Variants in CDC42BPG observed in about 807,000 individuals in gnomAD.
CDC42BPG encodes serine/threonine-protein kinase MRCK gamma.
A neutral mutation model predicts 192.2 loss-of-function variants in CDC42BPG; 157 were observed. The ratio of observed to expected loss-of-function variants is 0.82; its 90% CI spans 0.72 to 0.93. The LOEUF is 0.93. Among genes scored for constraint, CDC42BPG ranks in the 40% least tolerant of loss-of-function variants. The pLI is 0.00. For synonymous variants in CDC42BPG, 981 were observed against 918.5 expected (o/e 1.07, Z -1.23); for missense variants, 1,992 against 2,122.1 (o/e 0.94, Z 1.20).
At chr11:64,832,541 C>T (rs747329788) in intron 26 of CDC42BPG, 32 bp from the exon 27 acceptor site, 24 of 1,613,780 alleles carry the variant, frequency 1.5e-5, no homozygotes, top group Non-Finnish European at 1.9e-5. Flanking sequence ...TCAGAAATCT[C>T]CCTGTCCCTG....
At position 64,833,331 on chromosome 11, in the gene CDC42BPG, G is replaced by C; in HGVS notation, c.2631C>G (p.Gly877=). 6 of 1,508,880 alleles carry C rather than the reference G, an allele frequency of 4.0e-6. No homozygotes were observed. The highest frequency in any genetic ancestry group is 5.4e-6 in the Non-Finnish European group (6 of 1,121,224). The allele number at this position is 1,508,880 out of a possible 1,614,324, so 93.5% of individuals were successfully genotyped here. A position where few individuals can be genotyped will look rare whatever the true frequency, so the allele number is the denominator to read the frequency against. The change falls in exon 24 of 37, where the codon GGC becomes GGG. Residue 877 remains glycine, a synonymous_variant. Coordinates refer to ENST00000342711, the MANE Select transcript of CDC42BPG (RefSeq NM_017525.3). ...ASTEGLPAKP[G]SHTLRPRSFP... ...AGCTCCGGGGGCGCAGCGTGTGTGA[G>C]CCGGGCTGGGGAGGGGGACAGCCAT... is the stretch of plus-strand genomic sequence containing the variant.
chr11:64,830,030 C>A lies in CDC42BPG; in HGVS notation c.3408G>T (p.Leu1136=), dbSNP rs1374157215. 1 of 1,612,522 alleles carries A rather than the reference C, an allele frequency of 6.2e-7. No individual in the cohort carries two copies. Among genetic ancestry groups the A allele is most frequent in the Admixed American group, 1.7e-5 (1 of 59,990 alleles). ...QVGECRRVQQ[L]TLSPSAGLLV... is the part of the protein sequence containing the mutation. ...GCAGGCCTGCACTGGGGCTCAAGGT[C>A]AGCTGCTGCACGCGCCGGCACTCCC... Residue 1136 remains leucine (L), a synonymous_variant, in exon 30 of 37, where the codon CTG becomes CTT. Coordinates refer to ENST00000342711, the MANE Select transcript of CDC42BPG (RefSeq NM_017525.3).
chr11:64,834,612 C>T, intron 18 of CDC42BPG, 35 bp from the exon 19 acceptor site: 2 of 1,507,440 alleles, frequency 1.3e-6, no homozygotes, highest in Non-Finnish European at 8.9e-7. Flanking sequence ...AAGATGCTTT[C>T]TAGGCCTGGC....
rs372130021 is a variant in CDC42BPG, at chr11:64,830,973, T to C, written c.3304+532A>G. Among the ~76,000 whole-genome samples, 71 of 152,298 alleles carry C rather than the reference T, an allele frequency of 4.7e-4. No individual in the cohort carries two copies. In the East Asian group the frequency reaches 7.5e-3, roughly 16 times the overall value. On this transcript the variant is annotated intron_variant, in intron 28 of 36. Coordinates refer to ENST00000342711, the MANE Select transcript of CDC42BPG (RefSeq NM_017525.3). ...TGGCCCATGCCTATAATTCCAGCACTTTGGGAGGCCAAGGTGGGTGGATCA... is the reference window on the plus strand; with the variant it reads ...TGGCCCATGCCTATAATTCCAGCACCTTGGGAGGCCAAGGTGGGTGGATCA...
At chr11:64,824,990 C>T (rs1481864197) in intron 36 of CDC42BPG, among the ~76,000 whole-genome samples, 1 of 151,948 alleles carries the variant, frequency 6.6e-6, no homozygotes, top group African/African-American at 2.4e-5. Context: ...GATCTTGGCT[C>T]ACTGCAACCT....
Position 64,827,761 on chromosome 11 carries a change from T to C in CDC42BPG, c.3990A>G (p.Thr1330=), listed in dbSNP as rs1224036423. The change falls in exon 31 of 37, where the codon ACA becomes ACG. Residue 1330 remains threonine, a synonymous_variant. Coordinates refer to ENST00000342711, the MANE Select transcript of CDC42BPG (RefSeq NM_017525.3). ...MGWGYAAPYL[T]VFSENSIDVF... is the part of the protein sequence containing the mutation. ...CATCGATGGAGTTCTCGCTGAACAC[T>C]GTCAGGTAGGGGGCCGCATACCCTG... 1.2e-6 allele frequency: 2 copies of C among 1,612,366 alleles called. No homozygotes were observed. Among genetic ancestry groups the C allele is most frequent in the South Asian group, 1.1e-5 (1 of 90,842 alleles).
intron 20 of CDC42BPG, 78 bp from the exon 21 acceptor site, chr11:64,834,055 C>A: frequency 6.3e-7 from 1 of 1,586,786 alleles, no homozygotes; most frequent in South Asian, 1.1e-5. Context: ...TCAGTTCCCA[C>A]CTCAGTAAAA....
In CDC42BPG at chr11:64,827,138, G is replaced by A. The variant is rs750688271; in HGVS notation, c.4301C>T (p.Ser1434Phe). ...GTTGGTAGGCGGCGAGATGAGCTTGGAGCGCACAAAAGGGTCCTTCAGCAT... is the reference window on the plus strand; with the variant it reads ...GTTGGTAGGCGGCGAGATGAGCTTGAAGCGCACAAAAGGGTCCTTCAGCAT... Reference protein sequence around the residue: ...REMLKDPFVRSKLISPPTNFN... With the variant: ...REMLKDPFVRFKLISPPTNFN... Residue 1434 changes from serine to phenylalanine, a missense_variant, in exon 34 of 37, where the codon TCC becomes TTC. Ser to Phe is a radical substitution (Grantham distance 155, BLOSUM62 -2). Transcript: ENST00000342711. The A allele has an allele frequency of 3.1e-5, 50 of 1,614,130 alleles. No homozygotes were observed. The South Asian group carries it at 5.5e-4, about 18-fold the overall frequency.
chr11:64,836,719 G>GGTT lies in CDC42BPG; in HGVS notation c.1384+19_1384+20insAAC. 1 of 842,262 alleles carries GGTT rather than the reference G, an allele frequency of 1.2e-6. No individual in the cohort carries two copies. Among genetic ancestry groups the GGTT allele is most frequent in the Non-Finnish European group, 1.7e-6 (1 of 582,314 alleles). 52.2% of individuals were successfully genotyped at this position (842,262 alleles called of 1,614,324 possible). On this transcript the variant is annotated intron_variant, in intron 11 of 36. Transcript: ENST00000342711. ...GGGACTCAGCCCTGGGGGGGGGGGG[G>GGTT]GGGTGGGCGGAAGGGATACCTGGCA...
chr11:64,827,217 G>C (rs758965649), intron 33 of CDC42BPG, 50 bp from the exon 34 acceptor site: 31 of 1,613,464 alleles, frequency 1.9e-5, no homozygotes, highest in East Asian at 2.2e-5. Context: ...CCCTCCCTTC[G>C]ACCCGTCCAC....
intron 11 of CDC42BPG, 28 bp downstream of exon 11, chr11:64,836,711 G>GGGGGGT: frequency 1.6e-6 from 1 of 608,686 alleles, no homozygotes; most frequent in South Asian, 2.3e-5. Flanking sequence ...AGCCCTGGGG[G>GGGGGGT]GGGGGGGGGG....
At position 64,836,480 on chromosome 11, in the gene CDC42BPG, C is replaced by T. The variant is rs1159662028; in HGVS notation, c.1435G>A (p.Gly479Ser). 2 of 1,613,512 alleles carry T rather than the reference C, an allele frequency of 1.2e-6. No homozygotes were observed. The highest frequency in any genetic ancestry group is 4.5e-5 in the East Asian group (2 of 44,894). ...AGGTCACTGTCCTGACCTGGGCTAC[C>T]AGCTGGGGGCCCATCCGTCTGGGAC... is the stretch of plus-strand genomic sequence containing the variant. The part of the protein sequence containing the change: ...SLSQTDGPPA[G>S]SPGQDSDLRQ... The change falls in exon 12 of 37, where the codon GGT becomes AGT. Residue 479 changes from glycine to serine, a missense_variant. Coordinates refer to ENST00000342711, the MANE Select transcript of CDC42BPG (RefSeq NM_017525.3).
Position 64,832,895 on chromosome 11 carries a change from G to A in CDC42BPG, c.2796C>T (p.Asp932=). The A allele has an allele frequency of 6.4e-7, 1 of 1,553,696 alleles. No homozygotes were observed. The highest frequency in any genetic ancestry group is 8.7e-7 in the Non-Finnish European group (1 of 1,148,450). The change falls in exon 25 of 37, where the codon GAC becomes GAT. Residue 932 remains aspartate (D), a synonymous_variant. Transcript: ENST00000342711. ...PQAPPCPVPP[D]LLRTALGVHP... Reference sequence around the variant, plus strand: ...GTACTCCCAGGGCTGTGCGGAGGAGGTCAGGGGGCACGGGGCAGGGTGGGG... The same window carrying A: ...GTACTCCCAGGGCTGTGCGGAGGAGATCAGGGGGCACGGGGCAGGGTGGGG...
At chr11:64,832,785 G>GC (rs755832482) in intron 25 of CDC42BPG, 41 bp downstream of exon 25, 32 of 1,591,594 alleles carry the variant, frequency 2.0e-5, no homozygotes, top group Non-Finnish European at 2.5e-5. Context: ...GGGACCCTCA[G>GC]CCCCCCATGC....
Position 64,839,126 on chromosome 11 carries a change from C to A in CDC42BPG, c.783G>T (p.Ser261=). The A allele has an allele frequency of 1.2e-6, 2 of 1,613,554 alleles. No homozygotes were observed. Among genetic ancestry groups the A allele is most frequent in the South Asian group, 1.1e-5 (1 of 91,088 alleles). Reference sequence around the variant, plus strand: ...GCAGCTCATAGGCGCAGACTCCAAGCGACCACCAGTCACACTGTGGGCCGT... The same window carrying A: ...GCAGCTCATAGGCGCAGACTCCAAGAGACCACCAGTCACACTGTGGGCCGT... ...GHYGPQCDWW[S]LGVCAYELLF... is the part of the protein sequence containing the mutation. Residue 261 remains serine, a synonymous_variant, in exon 7 of 37, where the codon TCG becomes TCT. Transcript: ENST00000342711.
At chr11:64,837,938 G>C (rs1469721408) in intron 9 of CDC42BPG, 145 bp downstream of exon 9, 2 of 709,738 alleles carry the variant, frequency 2.8e-6, no homozygotes, top group African/African-American at 3.5e-5. Flanking sequence ...AGGACCCCGA[G>C]GATGAGGGCT....
Position 64,827,578 on chromosome 11 carries a change from G to A in CDC42BPG, c.4099C>T (p.Leu1367Phe), listed in dbSNP as rs1375302025. ...RPLNPEGSLFLYGTEKVRLTY... is the reference protein window; with the variant it reads ...RPLNPEGSLFFYGTEKVRLTY... ...AGGCGGACCTTCTCGGTGCCGTAGA[G>A]GAACAGGGAGCCCTCTGGATTGAGG... The change falls in exon 32 of 37, where the codon CTC becomes TTC. Residue 1367 changes from leucine (L) to phenylalanine (F), a missense_variant. Transcript: ENST00000342711. 5.0e-6 allele frequency: 8 copies of A among 1,612,408 alleles called. No individual in the cohort carries two copies. Among genetic ancestry groups the A allele is most frequent in the Non-Finnish European group, 5.9e-6 (7 of 1,179,152 alleles).
Position 64,831,722 on chromosome 11 carries a change from C to T in CDC42BPG, c.3088-1G>A. The stretch of plus-strand genomic sequence containing the variant: ...GCACTGCCAGCTGGGAGGTTGTCAC[C>T]TGTGGGCAAGGACCCCAGCTGGAGG... On this transcript the variant is annotated splice_acceptor_variant, in intron 27 of 36. Coordinates refer to ENST00000342711, the MANE Select transcript of CDC42BPG (RefSeq NM_017525.3). LOFTEE classifies it high-confidence loss of function. 6.3e-7 allele frequency: 1 copy of T among 1,589,444 alleles called. No homozygotes were observed. Among genetic ancestry groups the T allele is most frequent in the Non-Finnish European group, 8.5e-7 (1 of 1,171,444 alleles).
intron 24 of CDC42BPG, 134 bp downstream of exon 24, chr11:64,833,097 A>G (rs1942781834): frequency 3.9e-6 from 5 of 1,296,076 alleles, no homozygotes; most frequent in Non-Finnish European, 5.3e-6. Flanking sequence ...ATCAAGTGAG[A>G]AAAGGAACAA....
Sources: allele counts gnomAD v4.1 joint callset (sites outside exome capture counted in the v4.1 genomes callset), GRCh38; gene constraint gnomAD v4.1.1; transcripts MANE v1.5; gene names NCBI Gene and HGNC (gene_info 2026-07-23, HGNC 2026-07-21).